The following ASCC3 variants were observed in gnomAD, a reference collection of about 807,000 sequenced individuals.
ASCC3 encodes activating signal cointegrator 1 complex subunit 3, also known as ASC-1 complex subunit P200.
In ASCC3, 158 loss-of-function variants were observed where a neutral mutation model predicts 256.3. The observed-to-expected ratio is 0.62, with a 90% CI of 0.54 to 0.70. ASCC3 has a LOEUF of 0.70. Among genes scored for constraint, ASCC3 ranks in the 30% least tolerant of loss-of-function variants. The probability of loss-of-function intolerance (pLI) is 0.00; values close to 1 mark genes in which losing one functional copy is unlikely to be tolerated. For missense variants in ASCC3, 2,259 were observed against 2,626.0 expected (o/e 0.86, Z 3.05); for synonymous variants, 948 against 883.4 (o/e 1.07, Z -1.30).
At chr6:100,848,763 G>A (rs574865403) in intron 3 of ASCC3, 56 bp from the exon 4 acceptor site, 3 of 1,547,518 alleles carry the variant, frequency 1.9e-6, no homozygotes, top group African/African-American at 1.4e-5. Context: ...TTCAAGTTAC[G>A]ATCTTCCAAA....
intron 36 of ASCC3, among the ~76,000 whole-genome samples, chr6:100,560,782 C>CAG (rs1418086766): frequency 1.3e-5 from 2 of 151,696 alleles, no homozygotes; most frequent in Non-Finnish European, 2.9e-5. Context: ...CACACACACA[C>CAG]ACACACACAC....
chr6:100,703,789 T>C (rs141764191), intron 13 of ASCC3, among the ~76,000 whole-genome samples: 2 of 152,030 alleles, frequency 1.3e-5, no homozygotes, highest in African/African-American at 4.8e-5. Context: ...CCATAGAATG[T>C]CTATAACAAA....
intron 3 of ASCC3, among the ~76,000 whole-genome samples, chr6:100,852,265 A>C (rs942769642): frequency 6.6e-6 from 1 of 152,194 alleles, no homozygotes; most frequent in African/African-American, 2.4e-5. Context: ...CCCTCAACAA[A>C]AATGTAATTG....
chr6:100,659,255 AT>A (rs1776070677), intron 16 of ASCC3, among the ~76,000 whole-genome samples: 1 of 151,530 alleles, frequency 6.6e-6, no homozygotes, highest in African/African-American at 2.4e-5. Context: ...TTAAAAATTC[AT>A]TACCTAAAGA....
chr6:100,511,055 T>C (rs751974111), intron 40 of ASCC3, among the ~76,000 whole-genome samples: 22 of 152,244 alleles, frequency 1.4e-4, no homozygotes, highest in Admixed American at 2.6e-4. Context: ...CATGATTTTA[T>C]CTTTATGATT....
At chr6:100,642,842 A>G in intron 23 of ASCC3, 93 bp from the exon 24 acceptor site, 1 of 1,172,326 alleles carries the variant, frequency 8.5e-7, no homozygotes, top group Non-Finnish European at 1.2e-6. Flanking sequence ...TCTCTACAAG[A>G]TATACTAAAG....
At chr6:100,588,994 T>C (rs1771849209) in intron 36 of ASCC3, among the ~76,000 whole-genome samples, 2 of 152,014 alleles carry the variant, frequency 1.3e-5, no homozygotes, top group Admixed American at 1.3e-4. Context: ...TGGTAAATTA[T>C]TACACTTAAA....
At chr6:100,618,846 G>C (rs1407789068) in intron 30 of ASCC3, among the ~76,000 whole-genome samples, 1 of 152,164 alleles carries the variant, frequency 6.6e-6, no homozygotes, top group African/African-American at 2.4e-5. Flanking sequence ...CTCAAGGGTA[G>C]AATTACTGAA....
intron 10 of ASCC3, among the ~76,000 whole-genome samples, chr6:100,761,449 C>T (rs919607007): frequency 3.3e-5 from 5 of 152,150 alleles, no homozygotes; most frequent in African/African-American, 4.8e-5. Flanking sequence ...TACTGTGCCA[C>T]TGTAGTCCAG....
chr6:100,659,317 A>G (rs1776074181), intron 16 of ASCC3, among the ~76,000 whole-genome samples: 1 of 151,518 alleles, frequency 6.6e-6, no homozygotes, highest in Non-Finnish European at 1.5e-5. Context: ...ATTTCCACAG[A>G]TAGCCAAATT....
chr6:100,538,168 G>T (rs1003706177), intron 37 of ASCC3, among the ~76,000 whole-genome samples: 2 of 151,970 alleles, frequency 1.3e-5, no homozygotes, highest in African/African-American at 4.8e-5. Context: ...AATTCATCTT[G>T]CCACTTCTCT....
At chr6:100,608,080 G>GTATATATCGATATACACATATATATA (rs1554200725) in intron 30 of ASCC3, among the ~76,000 whole-genome samples, 1 of 84,868 alleles carries the variant, frequency 1.2e-5, no homozygotes, top group Non-Finnish European at 2.2e-5. Flanking sequence ...ACATATATAT[G>GTATATATCGATATACACATATATATA]TATATATATC....
intron 19 of ASCC3, among the ~76,000 whole-genome samples, chr6:100,651,236 T>C (rs1315515047): frequency 3.3e-5 from 5 of 151,840 alleles, no homozygotes; most frequent in Non-Finnish European, 4.4e-5. Flanking sequence ...ATATCTAAGG[T>C]TTGAATCATA....
In ASCC3 at chr6:100,652,744, A is replaced by G. The variant is rs751111005; in HGVS notation, c.2969T>C (p.Ile990Thr). ...TAATACCTCAATGGTGTTGTATTTA[A>G]TATAGTAATGGCTGGCAGTTCTACC... ...DLGRTASHYY[I>T]KYNTIETFNE... Residue 990 changes from isoleucine to threonine, a missense_variant, in exon 18 of 42, where the codon ATT (isoleucine) becomes ACT (threonine). Transcript: ENST00000369162. 1 of 1,613,810 alleles carries G rather than the reference A, an allele frequency of 6.2e-7. No individual in the cohort carries two copies. The highest frequency in any genetic ancestry group is 8.5e-7 in the Non-Finnish European group (1 of 1,179,846).
intron 3 of ASCC3, among the ~76,000 whole-genome samples, chr6:100,849,239 C>T (rs1479048794): frequency 1.3e-5 from 2 of 152,178 alleles, no homozygotes; most frequent in Non-Finnish European, 2.9e-5. Flanking sequence ...TATTATGTAT[C>T]TAAGTGCAGA....
At chr6:100,711,629 C>A (rs1200889551) in intron 13 of ASCC3, among the ~76,000 whole-genome samples, 1 of 152,056 alleles carries the variant, frequency 6.6e-6, no homozygotes, top group African/African-American at 2.4e-5. Context: ...ACTTGGGAGG[C>A]TGAAGTAAGA....
At chr6:100,757,258 A>G (rs964363727) in intron 10 of ASCC3, among the ~76,000 whole-genome samples, 4 of 152,042 alleles carry the variant, frequency 2.6e-5, no homozygotes, top group African/African-American at 9.7e-5. Context: ...ACACAAACAC[A>G]CACACACACA....
chr6:100,617,022 TG>T (rs1294491837), intron 30 of ASCC3, among the ~76,000 whole-genome samples: 1 of 151,944 alleles, frequency 6.6e-6, no homozygotes, highest in Non-Finnish European at 1.5e-5. Context: ...TTGTTGTTGT[TG>T]AGACAGAGTC....
At chr6:100,704,161 T>A (rs1252549582) in intron 13 of ASCC3, among the ~76,000 whole-genome samples, 1 of 151,958 alleles carries the variant, frequency 6.6e-6, no homozygotes, top group African/African-American at 2.4e-5. Context: ...TTCCTTTAGA[T>A]TTTCTTGTAC....
Sources: allele counts gnomAD v4.1 joint callset (sites outside exome capture counted in the v4.1 genomes callset), GRCh38; gene constraint gnomAD v4.1.1; transcripts MANE v1.5; gene names NCBI Gene and HGNC (gene_info 2026-07-23, HGNC 2026-07-21).